The following WDR88 variants were observed in gnomAD, a reference collection of about 807,000 sequenced individuals.
WDR88 encodes the protein WD repeat-containing protein 88.
In WDR88, 40 loss-of-function variants were observed where a neutral mutation model predicts 46.8. That is an observed-to-expected ratio of 0.86 (90% CI 0.66 to 1.11). WDR88 has a LOEUF of 1.11. WDR88 is among the 50% of genes most tolerant of loss of function. The pLI is 0.00. For missense variants in WDR88, 562 were observed against 602.4 expected (o/e 0.93, Z 0.70); for synonymous variants, 235 against 240.7 (o/e 0.98, Z 0.22).
At chr19:33,152,913 T>C (rs113438685) in intron 6 of WDR88, among the ~76,000 whole-genome samples, 4 of 152,152 alleles carry the variant, frequency 2.6e-5, no homozygotes, top group African/African-American at 9.7e-5. Context: ...AGTACTGCAT[T>C]ATAGGTGTAC....
intron 10 of WDR88, chr19:33,174,341 G>A: frequency 6.8e-7 from 1 of 1,472,332 alleles, no homozygotes; most frequent in Non-Finnish European, 9.0e-7. Context: ...GTCCTGGAGT[G>A]GGCAGAACAG....
At position 33,158,658 on chromosome 19, in the gene WDR88, C is replaced by A. The variant is rs1270847198; in HGVS notation, c.998-1756C>A. ...CTCTGCCTTCTTGTTTCACCTCCCA[C>A]GTGGTAAAATGTCCTTTTTGTGGTC... On this transcript the variant is annotated intron_variant, in intron 7 of 10. Coordinates refer to ENST00000355868, the MANE Select transcript of WDR88 (RefSeq NM_173479.4). Among the ~76,000 whole-genome samples, 4 of 152,104 alleles carry A rather than the reference C, an allele frequency of 2.6e-5. 1 individual carries two copies. The highest frequency in any genetic ancestry group is 6.6e-5 in the Admixed American group (1 of 15,250).
intron 6 of WDR88, among the ~76,000 whole-genome samples, chr19:33,155,426 C>G (rs2145398225): frequency 6.6e-6 from 1 of 152,296 alleles, no homozygotes; most frequent in Admixed American, 6.5e-5. Flanking sequence ...TAGGCATGAG[C>G]CACTGCACCC....
At chr19:33,137,599 T>C in intron 1 of WDR88, 78 bp from the exon 2 acceptor site, 1 of 1,316,102 alleles carries the variant, frequency 7.6e-7, no homozygotes, top group Non-Finnish European at 1.1e-6. Context: ...TGCAAGTGTT[T>C]AGAAATATAA....
intron 1 of WDR88, among the ~76,000 whole-genome samples, chr19:33,135,754 C>T (rs1017218539): frequency 3.3e-5 from 5 of 152,210 alleles, no homozygotes; most frequent in Admixed American, 6.6e-5. Context: ...CACTACTTTA[C>T]GTTCCTACCA....
Position 33,132,141 on chromosome 19 carries a change from C to T in WDR88, c.-29C>T, listed in dbSNP as rs1568355012. On this transcript the variant is annotated 5_prime_UTR_variant, in exon 1 of 11. Coordinates refer to ENST00000355868, the MANE Select transcript of WDR88 (RefSeq NM_173479.4). ...CGCCACCGTTCCCATCCAGGCTTGT[C>T]GGCGGCCACCGGCGGACCGGGCTTC... 3 of 1,552,712 alleles carry T rather than the reference C, an allele frequency of 1.9e-6. No homozygotes were observed. The highest frequency in any genetic ancestry group is 2.3e-5 in the South Asian group (2 of 85,332).
chr19:33,167,731 TC>T (rs1274007388), intron 9 of WDR88, among the ~76,000 whole-genome samples: 1 of 150,394 alleles, frequency 6.6e-6, no homozygotes, highest in Non-Finnish European at 1.5e-5. Context: ...CTTCCTGCCT[TC>T]CCTCCTCTTT....
At chr19:33,138,030 T>A (rs1973311238) in intron 2 of WDR88, among the ~76,000 whole-genome samples, 2 of 150,064 alleles carry the variant, frequency 1.3e-5, no homozygotes, top group South Asian at 4.2e-4. Flanking sequence ...GGACTGAGAG[T>A]GCCACACATT....
At chr19:33,146,194 G>A (rs1277002489) in intron 3 of WDR88, among the ~76,000 whole-genome samples, 1 of 152,214 alleles carries the variant, frequency 6.6e-6, no homozygotes, top group African/African-American at 2.4e-5. Flanking sequence ...CTACTCGGAG[G>A]CTTAGGCAGG....
intron 7 of WDR88, among the ~76,000 whole-genome samples, chr19:33,157,513 GTATATATATGTGTATATA>G: frequency 1.1e-5 from 1 of 92,708 alleles, no homozygotes; most frequent in East Asian, 4.5e-4. Flanking sequence ...ATATATATAT[GTATATATATGTGTATATA>G]TATATATATG....
intron 5 of WDR88, among the ~76,000 whole-genome samples, chr19:33,150,096 C>T (rs571034959): frequency 3.0e-4 from 46 of 152,288 alleles, no homozygotes; most frequent in African/African-American, 1.1e-3. Context: ...TTCCTTACAC[C>T]TCCATGGGAG....
chr19:33,157,906 G>T (rs1256404338), intron 7 of WDR88, among the ~76,000 whole-genome samples: 1 of 151,324 alleles, frequency 6.6e-6, no homozygotes, highest in Non-Finnish European at 1.5e-5. Context: ...AATCACTTAG[G>T]GGGCAACGAA....
At position 33,175,763 on chromosome 19, in the gene WDR88, C is replaced by T. The variant is rs1439659654; in HGVS notation, c.*191C>T. ...CTCAGCTTGGGGAGTGAACACTTTC[C>T]GTTTTCATGCAGAATAAATCTAATT... On this transcript the variant is annotated 3_prime_UTR_variant, in exon 11 of 11. Transcript: ENST00000355868. The T allele has an allele frequency of 6.7e-6, 4 of 595,416 alleles. No homozygotes were observed. The Admixed American group carries it at 9.1e-5, about 14-fold the overall frequency. The allele number at this position is 595,416 out of a possible 1,614,324, so 36.9% of individuals were successfully genotyped here. A position where few individuals can be genotyped will look rare whatever the true frequency, so the allele number is the denominator to read the frequency against.
intron 4 of WDR88, among the ~76,000 whole-genome samples, chr19:33,148,092 G>T (rs1423363773): frequency 6.6e-6 from 1 of 152,026 alleles, no homozygotes; most frequent in African/African-American, 2.4e-5. Context: ...TGGGGCTGAG[G>T]CCATGGGACA....
At chr19:33,133,472 C>T (rs1245650853) in intron 1 of WDR88, among the ~76,000 whole-genome samples, 8 of 152,048 alleles carry the variant, frequency 5.3e-5, no homozygotes, top group Admixed American at 3.9e-4. Context: ...CATTTGAACC[C>T]GGGAGGCAGA....
chr19:33,175,678 G>C lies in WDR88; in HGVS notation c.*106G>C. On this transcript the variant is annotated 3_prime_UTR_variant, in exon 11 of 11. Coordinates refer to ENST00000355868, the MANE Select transcript of WDR88 (RefSeq NM_173479.4). ...GGCCCCTCCCAGGCTCAGCAGGCCT[G>C]TCAGACTGGGGCAGGACCCAAGCCC... 1 of 1,406,214 alleles carries C rather than the reference G, an allele frequency of 7.1e-7. No homozygotes were observed. Among genetic ancestry groups the C allele is most frequent in the Non-Finnish European group, 9.8e-7 (1 of 1,023,114 alleles). 87.1% of individuals were successfully genotyped at this position (1,406,214 alleles called of 1,614,324 possible).
At position 33,149,495 on chromosome 19, in the gene WDR88, G is replaced by A. The variant is rs541607787; in HGVS notation, c.679+585G>A. Among the ~76,000 whole-genome samples the A allele has an allele frequency of 4.9e-4, 74 of 152,148 alleles. 1 individual carries two copies. Among genetic ancestry groups the A allele is most frequent in the African/African-American group, 1.7e-3 (72 of 41,516 alleles). On this transcript the variant is annotated intron_variant, in intron 5 of 10. Transcript: ENST00000355868. ...ACAGCCTAATCTTTTATTGAGGGGA[G>A]GCTCAGGCTTCTTAACATTAACATT...
chr19:33,170,855 C>T (rs532730758), intron 9 of WDR88, among the ~76,000 whole-genome samples: 1 of 151,918 alleles, frequency 6.6e-6, no homozygotes, highest in South Asian at 2.1e-4. Flanking sequence ...GAGTAAGACC[C>T]TGTCTTAAAA....
rs1334129164 is a variant in WDR88, at chr19:33,175,438, A to T, written c.1285A>T (p.Thr429Ser). The stretch of plus-strand genomic sequence containing the variant: ...GCCTTTCTCCATCTTCAAGAGTGAC[A>T]CCTCTTCTGAAATGTTCACCCAATG... Reference protein sequence around the residue: ...DRPFSIFKSDTSSEMFTQCVF... With the variant: ...DRPFSIFKSDSSSEMFTQCVF... Residue 429 changes from threonine to serine, a missense_variant, in exon 11 of 11, where the codon ACC becomes TCC. Coordinates refer to ENST00000355868, the MANE Select transcript of WDR88 (RefSeq NM_173479.4). The T allele has an allele frequency of 3.7e-6, 6 of 1,614,042 alleles. No homozygotes were observed. In the East Asian group the frequency reaches 1.3e-4, roughly 36 times the overall value.
Sources: gnomAD v4.1 joint callset for allele counts (sites outside exome capture counted in the v4.1 genomes callset) on GRCh38, gnomAD v4.1.1 for gene constraint, MANE v1.5 for transcripts, NCBI Gene and HGNC (gene_info 2026-07-23, HGNC 2026-07-21) for gene names.